Variants in MYO3B observed in about 807,000 individuals in gnomAD.
The protein encoded by MYO3B is myosin-IIIb.
In MYO3B, 156 loss-of-function variants were observed where a neutral mutation model predicts 174.6. The ratio of observed to expected loss-of-function variants is 0.89; its 90% CI spans 0.78 to 1.02. The LOEUF (loss-of-function observed/expected upper bound fraction) is 1.02. Among genes scored for constraint, MYO3B ranks in the 50% least tolerant of loss-of-function variants. MYO3B has a pLI of 0.00. For missense variants in MYO3B, 1,632 were observed against 1,639.4 expected, an observed-to-expected ratio of 1.00 and a Z score of 0.08; for synonymous variants, 563 against 569.1, an observed-to-expected ratio of 0.99 and a Z score of 0.15.
At chr2:170,434,714 A>T (rs1296509602) in intron 22 of MYO3B, among the ~76,000 whole-genome samples, 1 of 152,240 alleles carries the variant, frequency 6.6e-6, no homozygotes, top group Admixed American at 6.5e-5. Flanking sequence ...AGAATTGAAC[A>T]TACTGACATA....
In MYO3B at chr2:170,391,444, C is replaced by A. The variant is rs984360300; in HGVS notation, c.1578-76C>A. ...ATTTGCCATGGAATAATCTTTTGTACAGAAAGGAAATGGTGTAAAATACTT... is the reference window on the plus strand; with the variant it reads ...ATTTGCCATGGAATAATCTTTTGTAAAGAAAGGAAATGGTGTAAAATACTT... On this transcript the variant is annotated intron_variant, in intron 14 of 34. Transcript: ENST00000408978. 2.2e-5 allele frequency: 15 copies of A among 667,574 alleles called. No individual in the cohort carries two copies. In the African/African-American group the frequency reaches 2.7e-4, roughly 12 times the overall value. 41.4% of individuals were successfully genotyped at this position (667,574 alleles called of 1,614,324 possible). A position where few individuals can be genotyped will look rare whatever the true frequency, so the allele number is the denominator to read the frequency against.
intron 22 of MYO3B, among the ~76,000 whole-genome samples, chr2:170,430,125 C>T (rs1202066326): frequency 2.6e-5 from 4 of 151,260 alleles, no homozygotes; most frequent in African/African-American, 4.9e-5. Flanking sequence ...GGGCTGAGTG[C>T]GTAGGTTTTG....
At chr2:170,334,545 C>T (rs2093933934) in intron 7 of MYO3B, 1 of 152,154 alleles carries the variant, frequency 6.6e-6, no homozygotes, top group African/African-American at 2.4e-5. Flanking sequence ...AGAACTGTCA[C>T]TTTCTTCATT....
At chr2:170,379,633 A>G (rs1014116112) in intron 9 of MYO3B, among the ~76,000 whole-genome samples, 4 of 152,252 alleles carry the variant, frequency 2.6e-5, no homozygotes, top group Admixed American at 6.5e-5. Context: ...TCTGAGTTTT[A>G]GTAAAAATCT....
chr2:170,405,457 C>A, intron 20 of MYO3B, 88 bp from the exon 21 acceptor site: 1 of 1,221,802 alleles, frequency 8.2e-7, no homozygotes, highest in Non-Finnish European at 1.2e-6. Context: ...AGCCCTTATT[C>A]TGAGTCATTC....
chr2:170,543,344 G>A (rs537185251), intron 31 of MYO3B, among the ~76,000 whole-genome samples: 34 of 152,204 alleles, frequency 2.2e-4, no homozygotes, highest in African/African-American at 7.5e-4. Context: ...AAATGGAGGC[G>A]TCTCTCTGTG....
chr2:170,370,674 C>G (rs892131588), intron 9 of MYO3B, among the ~76,000 whole-genome samples: 1 of 128,944 alleles, frequency 7.8e-6, no homozygotes, highest in East Asian at 2.2e-4. Flanking sequence ...CACACACACA[C>G]AGCACCACCA....
intron 32 of MYO3B, among the ~76,000 whole-genome samples, chr2:170,593,293 A>G (rs1693936243): frequency 6.6e-6 from 1 of 152,120 alleles, no homozygotes; most frequent in Admixed American, 6.6e-5. Context: ...TGTAGGGACA[A>G]GGTCTCGCTA....
intron 30 of MYO3B, among the ~76,000 whole-genome samples, chr2:170,529,670 C>G (rs77908618): frequency 0.031 from 4,706 of 152,256 alleles, 193 homozygotes; most frequent in East Asian, 0.15. Context: ...TATTCCCGCT[C>G]AGAATGAGTT....
intron 32 of MYO3B, among the ~76,000 whole-genome samples, chr2:170,599,697 G>A (rs1180450656): frequency 2.0e-5 from 3 of 152,190 alleles, no homozygotes; most frequent in Non-Finnish European, 2.9e-5. Flanking sequence ...GTAGTGAGCC[G>A]AGATTGTGCC....
At chr2:170,214,311 ATTTCTTTTTCT>A (rs2092804223) in intron 3 of MYO3B, 57 bp from the exon 4 acceptor site, 1 of 1,356,112 alleles carries the variant, frequency 7.4e-7, no homozygotes, top group South Asian at 1.3e-5. Flanking sequence ...GCTTTTCTTA[ATTTCTTTTTCT>A]TTTCTTTTTC....
At chr2:170,636,981 T>TGTGTGTGTGC (rs1276903997) in intron 32 of MYO3B, among the ~76,000 whole-genome samples, 3 of 151,608 alleles carry the variant, frequency 2.0e-5, no homozygotes, top group African/African-American at 7.3e-5. Context: ...TGTGTGTGTG[T>TGTGTGTGTGC]GTGTGTGTAG....
At chr2:170,550,418 T>G (rs1184733436) in intron 32 of MYO3B, among the ~76,000 whole-genome samples, 1 of 152,188 alleles carries the variant, frequency 6.6e-6, no homozygotes, top group African/African-American at 2.4e-5. Context: ...TCCAATTCTG[T>G]GTGGGATGGA....
chr2:170,504,228 T>C (rs944850811), intron 28 of MYO3B, among the ~76,000 whole-genome samples: 1 of 152,238 alleles, frequency 6.6e-6, no homozygotes, highest in African/African-American at 2.4e-5. Flanking sequence ...CTCTAATTTA[T>C]TATTTTTTCA....
intron 6 of MYO3B, among the ~76,000 whole-genome samples, chr2:170,228,085 G>C (rs759978487): frequency 4.6e-5 from 7 of 152,168 alleles, no homozygotes; most frequent in Non-Finnish European, 1.0e-4. Context: ...AAATCCATCT[G>C]CTTAATGCTT....
intron 21 of MYO3B, among the ~76,000 whole-genome samples, chr2:170,406,569 A>T (rs1574930043): frequency 6.6e-6 from 1 of 152,198 alleles, no homozygotes; most frequent in East Asian, 1.9e-4. Flanking sequence ...TCAGAGTCTG[A>T]AATACCAGCA....
chr2:170,309,296 G>T (rs544063639), intron 7 of MYO3B, among the ~76,000 whole-genome samples: 52 of 152,248 alleles, frequency 3.4e-4, no homozygotes, highest in South Asian at 2.3e-3. Context: ...TGGGTTGCTT[G>T]CAAATAGTCA....
At chr2:170,224,087 G>A (rs541600412) in intron 6 of MYO3B, among the ~76,000 whole-genome samples, 18 of 152,330 alleles carry the variant, frequency 1.2e-4, no homozygotes, top group African/African-American at 4.3e-4. Flanking sequence ...CCACCTGATT[G>A]TCAGATATTT....
intron 32 of MYO3B, among the ~76,000 whole-genome samples, chr2:170,599,589 A>G (rs1480253806): frequency 2.6e-5 from 4 of 152,182 alleles, no homozygotes; most frequent in African/African-American, 9.7e-5. Context: ...TCTACTAAAA[A>G]TACAAAAACT....
Sources: allele counts gnomAD v4.1 joint callset (sites outside exome capture counted in the v4.1 genomes callset), GRCh38; gene constraint gnomAD v4.1.1; transcripts MANE v1.5; gene names NCBI Gene and HGNC (gene_info 2026-07-23, HGNC 2026-07-21).